The following CDC42BPG variants were observed in gnomAD, a reference collection of about 807,000 sequenced individuals.
CDC42BPG encodes serine/threonine-protein kinase MRCK gamma.
Under a neutral mutation model 192.2 loss-of-function variants are expected in CDC42BPG, and 157 were observed. That is an observed-to-expected ratio of 0.82 (90% CI 0.72 to 0.93). The LOEUF is 0.93. Among genes scored for constraint, CDC42BPG ranks in the 40% least tolerant of loss-of-function variants. The pLI, the probability that CDC42BPG is intolerant of heterozygous loss-of-function variation, is 0.00. For missense variants in CDC42BPG, 1,992 were observed against 2,122.1 expected, an observed-to-expected ratio of 0.94 and a Z score of 1.20; for synonymous variants, 981 against 918.5, an observed-to-expected ratio of 1.07 and a Z score of -1.23.
rs746186024 is a variant in CDC42BPG, at chr11:64,836,145, A to C, written c.1640T>G (p.Leu547Arg). 6.2e-7 allele frequency: 1 copy of C among 1,600,380 alleles called. No homozygotes were observed. Among genetic ancestry groups the C allele is most frequent in the Non-Finnish European group, 8.5e-7 (1 of 1,175,116 alleles). ...CCTCTGGGCAGCCCGGGCTTCCTCC[A>C]GCTGGGAGCTCAGGGCCCGGGTCTG... is the stretch of plus-strand genomic sequence containing the variant. ...ASQTRALSSQLEEARAAQREL... is the reference protein window; with the variant it reads ...ASQTRALSSQREEARAAQREL... The change falls in exon 13 of 37, where the codon CTG (leucine) becomes CGG (arginine). Residue 547 changes from leucine to arginine, a missense_variant. Leu to Arg is a moderately radical substitution (Grantham distance 102). Around this residue, in one of 2 missense-constraint regions of CDC42BPG, gnomAD observed 1,656 missense variants for 1,844.3 expected, o/e 0.90. Transcript: ENST00000342711.
chr11:64,824,598 G>GGCC, intron 36 of CDC42BPG, 69 bp from the exon 37 acceptor site: 1 of 1,112,486 alleles, frequency 9.0e-7, no homozygotes, highest in Non-Finnish European at 1.3e-6. Context: ...GGGCTGGTGG[G>GGCC]TCCTGGAGGC....
intron 34 of CDC42BPG, 62 bp downstream of exon 34, chr11:64,826,988 C>T: frequency 1.5e-6 from 2 of 1,297,932 alleles, no homozygotes; most frequent in African/African-American, 1.5e-5. Flanking sequence ...GAGCTCACCA[C>T]AGAGGCCGGT....
At chr11:64,841,466 A>T (rs1943277894) in intron 3 of CDC42BPG, among the ~76,000 whole-genome samples, 184 bp downstream of exon 3, 3 of 152,080 alleles carry the variant, frequency 2.0e-5, no homozygotes, top group Admixed American at 6.5e-5. Flanking sequence ...AAAAAAAAAA[A>T]ATTTAAAAAA....
Position 64,835,848 on chromosome 11 carries a change from C to T in CDC42BPG, c.1672G>A (p.Glu558Lys), listed in dbSNP as rs778419171. ...CGGCTCAGGGAGGACACCTGGGCCT[C>T]CAGCTGTGAGGGGTGCAGAGGCAGG... ...EEARAAQREL[E>K]AQVSSLSRQV... The change falls in exon 14 of 37, where the codon GAG (glutamate) becomes AAG (lysine). Residue 558 changes from glutamate to lysine, a missense_variant. Physicochemically the swap from Glu to Lys is moderately conservative, Grantham distance 56. Around this residue, in one of 2 missense-constraint regions of CDC42BPG, gnomAD observed 1,656 missense variants for 1,844.3 expected, o/e 0.90. Transcript: ENST00000342711. 8.1e-6 allele frequency: 13 copies of T among 1,610,138 alleles called. No individual in the cohort carries two copies. Among genetic ancestry groups the T allele is most frequent in the Admixed American group, 1.7e-5 (1 of 59,690 alleles).
chr11:64,840,369 C>A (rs1055539657), intron 4 of CDC42BPG, 101 bp from the exon 5 acceptor site: 1 of 1,497,740 alleles, frequency 6.7e-7, no homozygotes, highest in Non-Finnish European at 9.0e-7. Context: ...CATCTCCCAG[C>A]AGCTCTGGGC....
intron 34 of CDC42BPG, 115 bp from the exon 35 acceptor site, chr11:64,826,909 T>G: frequency 1.6e-6 from 2 of 1,278,706 alleles, no homozygotes; most frequent in Non-Finnish European, 2.2e-6. Flanking sequence ...CTGGTTTTAC[T>G]TAAGTCCCAG....
intron 9 of CDC42BPG, 71 bp downstream of exon 9, chr11:64,838,012 G>A: frequency 1.5e-6 from 2 of 1,329,188 alleles, no homozygotes; most frequent in Non-Finnish European, 2.1e-6. Context: ...GCCCCAGTGG[G>A]CTACGCGCCC....
At chr11:64,832,530 G>A (rs494252) in intron 26 of CDC42BPG, 21 bp from the exon 27 acceptor site, 2 of 1,613,844 alleles carry the variant, frequency 1.2e-6, no homozygotes, top group Non-Finnish European at 1.7e-6. Context: ...CACAGAACAG[G>A]TCAGAAATCT....
intron 9 of CDC42BPG, among the ~76,000 whole-genome samples, chr11:64,837,277 A>G (rs1022154490): frequency 6.6e-6 from 1 of 152,134 alleles, no homozygotes; most frequent in Non-Finnish European, 1.5e-5. Flanking sequence ...TTTTACCCTC[A>G]GTTTCCCCAG....
intron 15 of CDC42BPG, 23 bp from the exon 16 acceptor site, chr11:64,835,442 C>T (rs372844893): frequency 1.1e-5 from 18 of 1,612,714 alleles, no homozygotes; most frequent in Middle Eastern, 1.6e-4. Context: ...AGGCCAAGGC[C>T]GTGACTCACC....
rs1413115613 is a variant in CDC42BPG at position 64,844,468 on chromosome 11, G to T, written c.102C>A (p.His34Gln). The T allele has an allele frequency of 1.4e-6, 2 of 1,460,462 alleles. No homozygotes were observed. Among genetic ancestry groups the T allele is most frequent in the African/African-American group, 1.5e-5 (1 of 68,260 alleles). 90.5% of individuals were successfully genotyped at this position (1,460,462 alleles called of 1,614,324 possible). A position where few individuals can be genotyped will look rare whatever the true frequency, so the allele number is the denominator to read the frequency against. Residue 34 changes from histidine to glutamine, a missense_variant, in exon 1 of 37, where the codon CAC becomes CAA. By Grantham distance (24) the His-to-Gln change is conservative. This residue lies in a region of CDC42BPG where 1,656 missense variants were observed against 1,844.3 expected (regional missense o/e 0.90). Transcript: ENST00000342711. ...GLLDLLLALH[H>Q]ELSSGPLRRE... is the part of the protein sequence containing the mutation. ...GCCGTAGGGGGCCGCTGCTGAGCTC[G>T]TGGTGCAGCGCCAGCAGCAGATCTA...
rs1452723639 is a variant in CDC42BPG, at chr11:64,843,551, C to T, written c.160+859G>A. 2.6e-5 allele frequency among the ~76,000 whole-genome samples: 4 copies of T among 152,170 alleles called. No homozygotes were observed. The East Asian group carries it at 7.7e-4, about 29-fold the overall frequency. On this transcript the variant is annotated intron_variant, in intron 1 of 36. Transcript: ENST00000342711. ...TCAGGAGTGCCAGGAACGCTAGTTG[C>T]CCACTGGGCAAACACCTGCCTCACC... is the stretch of plus-strand genomic sequence containing the variant.
chr11:64,841,677 G>A lies in CDC42BPG; in HGVS notation c.309C>T (p.His103=), dbSNP rs774160422. 1.2e-6 allele frequency: 2 copies of A among 1,613,168 alleles called. No individual in the cohort carries two copies. The highest frequency in any genetic ancestry group is 2.2e-5 in the South Asian group (2 of 91,076). Residue 103 remains histidine (H), a synonymous_variant, in exon 3 of 37, where the codon CAC becomes CAT. Transcript: ENST00000342711. The part of the protein sequence containing the change: ...TGQIFAMKML[H]KWEMLKRAET... Reference sequence around the variant, plus strand: ...CAGCCCTCTTCAGCATCTCCCACTTGTGCAGCATTTTCATGGCAAAAATCT... The same window carrying A: ...CAGCCCTCTTCAGCATCTCCCACTTATGCAGCATTTTCATGGCAAAAATCT...
rs79329698 is a variant in CDC42BPG, at chr11:64,835,640, G to T, written c.1759-19C>A. The T allele has an allele frequency of 6.4e-7, 1 of 1,573,028 alleles. No homozygotes were observed. The highest frequency in any genetic ancestry group is 1.2e-5 in the South Asian group (1 of 84,620). ...GGATGGTCTTGGGGACATGGAGGGGGTCAGGGCAGAGACCCAAGATGCCAT... is the reference window on the plus strand; with the variant it reads ...GGATGGTCTTGGGGACATGGAGGGGTTCAGGGCAGAGACCCAAGATGCCAT... On this transcript the variant is annotated intron_variant, in intron 14 of 36. Coordinates refer to ENST00000342711, the MANE Select transcript of CDC42BPG (RefSeq NM_017525.3).
At chr11:64,841,932 G>T in intron 1 of CDC42BPG, 28 bp from the exon 2 acceptor site, 1 of 1,530,836 alleles carries the variant, frequency 6.5e-7, no homozygotes, top group Non-Finnish European at 8.9e-7. Context: ...GGGACTCAGA[G>T]TGCAGGGAGG....
chr11:64,830,440 T>A, intron 28 of CDC42BPG, 184 bp from the exon 29 acceptor site: 1 of 638,828 alleles, frequency 1.6e-6, no homozygotes, highest in East Asian at 2.7e-5. Context: ...GGGGTTGGGG[T>A]GAGGCCCATC....
chr11:64,827,109 T>C lies in CDC42BPG; in HGVS notation c.4330A>G (p.Asn1444Asp), dbSNP rs780774239. The C allele has an allele frequency of 6.2e-7, 1 of 1,614,054 alleles. No individual in the cohort carries two copies. Among genetic ancestry groups the C allele is most frequent in the Admixed American group, 1.7e-5 (1 of 60,022 alleles). Residue 1444 changes from asparagine (N) to aspartate (D), a missense_variant, in exon 34 of 37, where the codon AAC (asparagine) becomes GAC (aspartate). Around this residue, in one of 2 missense-constraint regions of CDC42BPG, gnomAD observed 336 missense variants for 277.9 expected, o/e 1.21. Transcript: ENST00000342711. Reference sequence around the variant, plus strand: ...GCAGGGCCCACGTGTACTAGGTGGTTGAAGTTGGTAGGCGGCGAGATGAGC... The same window carrying C: ...GCAGGGCCCACGTGTACTAGGTGGTCGAAGTTGGTAGGCGGCGAGATGAGC... The part of the protein sequence containing the change: ...SKLISPPTNF[N>D]HLVHVGPANG...
In CDC42BPG at chr11:64,826,993, G is replaced by A. The variant is rs554762176; in HGVS notation, c.4389+57C>T. On this transcript the variant is annotated intron_variant, in intron 34 of 36. Coordinates refer to ENST00000342711, the MANE Select transcript of CDC42BPG (RefSeq NM_017525.3). ...TGATTGGCTAGAGCTCACCACAGAG[G>A]CCGGTTATTGGCTCAGCCTCACCAA... is the stretch of plus-strand genomic sequence containing the variant. 131 of 1,313,190 alleles carry A rather than the reference G, an allele frequency of 1.0e-4. No individual in the cohort carries two copies. In the African/African-American group the frequency reaches 1.5e-3, roughly 15 times the overall value. The allele number at this position is 1,313,190 out of a possible 1,614,324, so 81.3% of individuals were successfully genotyped here.
At chr11:64,837,312 C>T (rs1943065713) in intron 9 of CDC42BPG, among the ~76,000 whole-genome samples, 1 of 152,220 alleles carries the variant, frequency 6.6e-6, no homozygotes, top group Non-Finnish European at 1.5e-5. Context: ...GACAAGGCCT[C>T]TCCCCAGGGC....
Sources: gnomAD v4.1 joint callset for allele counts (sites outside exome capture counted in the v4.1 genomes callset) on GRCh38, gnomAD v4.1.1 for gene constraint, gnomAD v4.1.1 regional missense constraint, MANE v1.5 for transcripts, NCBI Gene and HGNC (gene_info 2026-07-23, HGNC 2026-07-21) for gene names.